The following TMEM132B variants were observed in gnomAD, a reference collection of about 807,000 sequenced individuals.
TMEM132B encodes transmembrane protein 132B.
Under a neutral mutation model 90.8 loss-of-function variants are expected in TMEM132B, and 18 were observed. The observed-to-expected ratio is 0.20, with a 90% CI of 0.14 to 0.29. The LOEUF is 0.29. Ranked by LOEUF, TMEM132B falls within the 10% of genes least tolerant of loss-of-function variation. The probability of loss-of-function intolerance (pLI) is 1.00; values close to 1 mark genes in which losing one functional copy is unlikely to be tolerated. For synonymous variants in TMEM132B, 504 were observed against 523.3 expected, an observed-to-expected ratio of 0.96 and a Z score of 0.50; for missense variants, 1,096 against 1,326.8, an observed-to-expected ratio of 0.83 and a Z score of 2.70.
chr12:125,194,569 G>C (rs1437756859), intron 1 of TMEM132B, among the ~76,000 whole-genome samples: 2 of 152,046 alleles, frequency 1.3e-5, no homozygotes, highest in East Asian at 3.9e-4. Flanking sequence ...TTGTTTGCTG[G>C]GTCCTCTCCG....
At chr12:125,645,658 A>G (rs1388240903) in intron 6 of TMEM132B, among the ~76,000 whole-genome samples, 7 of 152,352 alleles carry the variant, frequency 4.6e-5, no homozygotes, top group African/African-American at 1.7e-4. Context: ...ACTTCCAGAT[A>G]AGAGACCAGC....
chr12:125,443,266 GAGA>G (rs1475045981), intron 3 of TMEM132B, among the ~76,000 whole-genome samples: 1 of 152,192 alleles, frequency 6.6e-6, no homozygotes, highest in Non-Finnish European at 1.5e-5. Flanking sequence ...TGTGGTTCAG[GAGA>G]AGATCACCAT....
chr12:125,285,434 GC>G (rs1223801524), intron 1 of TMEM132B, among the ~76,000 whole-genome samples: 1 of 152,170 alleles, frequency 6.6e-6, no homozygotes, highest in African/African-American at 2.4e-5. Context: ...CAGCGTCTAG[GC>G]CCCAGTGAGT....
At chr12:125,301,503 G>T (rs1875822910) in intron 1 of TMEM132B, 1 of 152,370 alleles carries the variant, frequency 6.6e-6, no homozygotes, top group African/African-American at 2.4e-5. Context: ...GCTACCGGAG[G>T]ATGGAAGGCA....
At chr12:125,248,624 A>G (rs1425965206) in intron 1 of TMEM132B, among the ~76,000 whole-genome samples, 1 of 152,190 alleles carries the variant, frequency 6.6e-6, no homozygotes, top group East Asian at 1.9e-4. Flanking sequence ...AAAGTAATCT[A>G]TCTGTTCCAC....
intron 3 of TMEM132B, among the ~76,000 whole-genome samples, chr12:125,438,941 A>AT (rs1399192515): frequency 6.6e-6 from 1 of 152,228 alleles, no homozygotes; most frequent in Admixed American, 6.5e-5. Flanking sequence ...TGATACAGAC[A>AT]TTCCATAATT....
intron 1 of TMEM132B, among the ~76,000 whole-genome samples, chr12:125,210,153 A>G (rs1873287947): frequency 1.3e-5 from 2 of 152,220 alleles, no homozygotes; most frequent in Non-Finnish European, 1.5e-5. Flanking sequence ...AGAAAAATAA[A>G]GCAAGAAGTG....
intron 1 of TMEM132B, among the ~76,000 whole-genome samples, chr12:125,306,000 T>G (rs1875949221): frequency 6.6e-6 from 1 of 152,230 alleles, no homozygotes; most frequent in South Asian, 2.1e-4. Flanking sequence ...AGCTGTTGTC[T>G]AAGTGGAGAT....
At chr12:125,509,042 T>G (rs1882915604) in intron 3 of TMEM132B, among the ~76,000 whole-genome samples, 1 of 152,030 alleles carries the variant, frequency 6.6e-6, no homozygotes, top group African/African-American at 2.4e-5. Flanking sequence ...CCTCGGCCTC[T>G]CAACATGCTG....
chr12:125,610,337 C>T (rs1362722093), intron 5 of TMEM132B, among the ~76,000 whole-genome samples: 2 of 152,056 alleles, frequency 1.3e-5, no homozygotes, highest in East Asian at 1.9e-4. Flanking sequence ...ATAAGATCGT[C>T]GTTAGTGACA....
At chr12:125,626,675 A>T (rs943827509) in intron 5 of TMEM132B, among the ~76,000 whole-genome samples, 7 of 151,858 alleles carry the variant, frequency 4.6e-5, no homozygotes, top group Non-Finnish European at 1.0e-4. Context: ...ATTGTTATCC[A>T]TCTTCTTCTG....
chr12:125,247,728 C>T (rs553546146), intron 1 of TMEM132B, among the ~76,000 whole-genome samples: 2 of 152,322 alleles, frequency 1.3e-5, no homozygotes, highest in South Asian at 2.1e-4. Context: ...CAGAGCATAG[C>T]ATTTCCCCTA....
At chr12:125,354,309 T>G (rs747696212) in intron 2 of TMEM132B, among the ~76,000 whole-genome samples, 5 of 152,362 alleles carry the variant, frequency 3.3e-5, no homozygotes, top group Middle Eastern at 3.4e-3. Flanking sequence ...CACCTGGCAT[T>G]CTTTCAAATA....
intron 3 of TMEM132B, among the ~76,000 whole-genome samples, chr12:125,444,906 C>A (rs921086258): frequency 6.6e-6 from 1 of 152,086 alleles, no homozygotes; most frequent in African/African-American, 2.4e-5. Context: ...AGCTGCTGCC[C>A]GAGAATTTCC....
intron 1 of TMEM132B, among the ~76,000 whole-genome samples, chr12:125,256,773 T>C (rs191039890): frequency 6.6e-6 from 1 of 152,342 alleles, no homozygotes; most frequent in Admixed American, 6.5e-5. Context: ...AGTGAGACGA[T>C]GAGGCAACTA....
intron 3 of TMEM132B, among the ~76,000 whole-genome samples, chr12:125,425,506 T>C (rs2136386331): frequency 6.6e-6 from 1 of 152,346 alleles, no homozygotes; most frequent in East Asian, 1.9e-4. Flanking sequence ...CCTTGTGTTG[T>C]AGGTTTTGCT....
intron 4 of TMEM132B, among the ~76,000 whole-genome samples, chr12:125,537,087 G>T (rs766518437): frequency 6.6e-6 from 1 of 152,008 alleles, no homozygotes; most frequent in South Asian, 2.1e-4. Context: ...TATCCTTGAG[G>T]GATTGATCCC....
intron 3 of TMEM132B, among the ~76,000 whole-genome samples, chr12:125,514,028 A>G (rs1883045066): frequency 6.6e-6 from 1 of 152,132 alleles, no homozygotes; most frequent in Non-Finnish European, 1.5e-5. Flanking sequence ...TGCAGTGACT[A>G]TGGTGTTATA....
At position 125,654,353 on chromosome 12, in the gene TMEM132B, C is replaced by T; in HGVS notation, c.2895C>T (p.Asp965=). ...NEVELLENPV[D]ITLPSEECTT... ...TGGAACTTTTGGAGAACCCTGTTGA[C>T]ATTACACTCCCATCAGAGGAGTGCA... The change falls in exon 9 of 9, where the codon GAC becomes GAT. Residue 965 remains aspartate (D), a synonymous_variant. Coordinates refer to ENST00000682704, the MANE Select transcript of TMEM132B (RefSeq NM_001366854.1). The surrounding 1 kb of genome is among the most constrained non-coding windows in gnomAD (Gnocchi z 5.8). The T allele has an allele frequency of 6.2e-7, 1 of 1,612,922 alleles. No homozygotes were observed.
Sources: gnomAD v4.1 joint callset for allele counts (sites outside exome capture counted in the v4.1 genomes callset) on GRCh38, gnomAD v4.1.1 for gene constraint, Gnocchi (gnomAD v3.1) non-coding constraint, MANE v1.5 for transcripts, NCBI Gene and HGNC (gene_info 2026-07-23, HGNC 2026-07-21) for gene names.